Variants in DMRTB1 observed in about 807,000 individuals in gnomAD.
DMRTB1 encodes doublesex- and mab-3-related transcription factor B1.
DMRTB1 carries 9 observed loss-of-function variants against 25.2 expected under a neutral mutation model. The ratio of observed to expected loss-of-function variants is 0.36; its 90% CI spans 0.22 to 0.62. DMRTB1 has a LOEUF of 0.62. DMRTB1 is among the 20% of genes least tolerant of loss of function. The pLI is 0.71. For missense variants in DMRTB1, 551 were observed against 499.3 expected (o/e 1.10, Z -0.99); for synonymous variants, 269 against 238.1 (o/e 1.13, Z -1.20).
Position 53,461,592 on chromosome 1 carries a change from C to G in DMRTB1, c.697C>G (p.Leu233Val), listed in dbSNP as rs754155010. 19 of 1,610,662 alleles carry G rather than the reference C, an allele frequency of 1.2e-5. No individual in the cohort carries two copies. Among genetic ancestry groups the G allele is most frequent in the Middle Eastern group, 1.6e-4 (1 of 6,074 alleles). ...GYLDAPPGVP[L>V]QQGFRHVSRS... is the part of the protein sequence containing the mutation. The stretch of plus-strand genomic sequence containing the variant: ...CCTGGACGCCCCTCCTGGCGTCCCC[C>G]TGCAGCAGGGCTTCCGGCATGTGTC... Residue 233 changes from leucine to valine, a missense_variant, in exon 2 of 4, where the codon CTG becomes GTG. Coordinates refer to ENST00000371445, the MANE Select transcript of DMRTB1 (RefSeq NM_033067.3).
At chr1:53,461,767 G>T in intron 2 of DMRTB1, 122 bp downstream of exon 2, 1 of 1,228,768 alleles carries the variant, frequency 8.1e-7, no homozygotes, top group Non-Finnish European at 1.1e-6. Flanking sequence ...GCCAGCCCCC[G>T]AGTGCTGGTG....
chr1:53,462,672 G>T (rs1644028673), intron 2 of DMRTB1, among the ~76,000 whole-genome samples: 1 of 152,216 alleles, frequency 6.6e-6, no homozygotes, highest in East Asian at 1.9e-4. Context: ...TTTGGCCAGG[G>T]TCACAAAACT....
At chr1:53,460,082 C>A in intron 1 of DMRTB1, 52 bp downstream of exon 1, 1 of 1,496,986 alleles carries the variant, frequency 6.7e-7, no homozygotes, top group Non-Finnish European at 8.8e-7. Context: ...GCAGCCCAGG[C>A]CAGCCCGGAT....
Position 53,461,562 on chromosome 1 carries a change from G to A in DMRTB1, c.667G>A (p.Gly223Ser), listed in dbSNP as rs1319032732. Residue 223 changes from glycine to serine, a missense_variant, in exon 2 of 4, where the codon GGC becomes AGC. Transcript: ENST00000371445. ...GCACCCCTACTGCCCGTTCCCGCTG[G>A]GCTACCTGGACGCCCCTCCTGGCGT... ...SMHPYCPFPL[G>S]YLDAPPGVPL... 1.9e-6 allele frequency: 3 copies of A among 1,612,046 alleles called. No homozygotes were observed. The Admixed American group carries it at 5.0e-5, about 27-fold the overall frequency.
intron 2 of DMRTB1, among the ~76,000 whole-genome samples, chr1:53,464,185 G>A (rs979937035): frequency 7.2e-5 from 11 of 152,198 alleles, no homozygotes; most frequent in African/African-American, 9.7e-5. Flanking sequence ...GCAGAGCAGC[G>A]CTGGACAGAA....
At chr1:53,464,584 C>CCAA in intron 2 of DMRTB1, 53 bp from the exon 3 acceptor site, 1 of 1,611,398 alleles carries the variant, frequency 6.2e-7, no homozygotes, top group African/African-American at 1.3e-5. Context: ...TTTGGTCAGC[C>CCAA]CATCTGGCTA....
Position 53,464,155 on chromosome 1 carries a change from C to A in DMRTB1, c.751-482C>A, listed in dbSNP as rs368313236. 9.8e-5 allele frequency among the ~76,000 whole-genome samples: 15 copies of A among 152,296 alleles called. 1 individual carries two copies. The East Asian group carries it at 1.5e-3, about 16-fold the overall frequency. On this transcript the variant is annotated intron_variant, in intron 2 of 3. Coordinates refer to ENST00000371445, the MANE Select transcript of DMRTB1 (RefSeq NM_033067.3). ...CAGGGGGTCCTGTGGGGTTGGGATG[C>A]GTTCAGACCCTTCCCCAGTGCAGAG...
rs376520472 is a variant in DMRTB1, at chr1:53,459,594, G to C, written c.141G>C (p.Gln47His). ...AGTGCTACCTGATCTCCGAGCGCCA[G>C]AAGATCATGGCCGCGCAGAAGGTGC... ...CEKCYLISER[Q>H]KIMAAQKVLK... Residue 47 changes from glutamine (Q) to histidine (H), a missense_variant, in exon 1 of 4, where the codon CAG (glutamine) becomes CAC (histidine). By Grantham distance (24) the Gln-to-His change is conservative. Coordinates refer to ENST00000371445, the MANE Select transcript of DMRTB1 (RefSeq NM_033067.3). 1 of 1,597,974 alleles carries C rather than the reference G, an allele frequency of 6.3e-7. No homozygotes were observed. Among genetic ancestry groups the C allele is most frequent in the African/African-American group, 1.3e-5 (1 of 74,746 alleles).
rs2100635323 is a variant in DMRTB1, at chr1:53,459,682, G to A, written c.229G>A (p.Ala77Thr). 2.0e-6 allele frequency: 3 copies of A among 1,516,740 alleles called. No individual in the cohort carries two copies. Among genetic ancestry groups the A allele is most frequent in the Admixed American group, 2.2e-5 (1 of 45,734 alleles). The allele number at this position is 1,516,740 out of a possible 1,614,324, so 94.0% of individuals were successfully genotyped here. A position where few individuals can be genotyped will look rare whatever the true frequency, so the allele number is the denominator to read the frequency against. The change falls in exon 1 of 4, where the codon GCC becomes ACC. Residue 77 changes from alanine to threonine, a missense_variant. Ala to Thr is a moderately conservative substitution (Grantham distance 58). Coordinates refer to ENST00000371445, the MANE Select transcript of DMRTB1 (RefSeq NM_033067.3). ...AALCAQGPKQ[A>T]SGAAAAAPAP... is the part of the protein sequence containing the mutation. Reference sequence around the variant, plus strand: ...CCTGTGTGCGCAGGGGCCCAAGCAGGCCTCCGGGGCTGCGGCCGCCGCCCC... The same window carrying A: ...CCTGTGTGCGCAGGGGCCCAAGCAGACCTCCGGGGCTGCGGCCGCCGCCCC...
At position 53,461,497 on chromosome 1, in the gene DMRTB1, A is replaced by G; in HGVS notation, c.602A>G (p.Asp201Gly). ...GTGCGCCCTCTGAACATCAACCCGGACCGTGCACTGGGCCCTGAGTACCCT... is the reference window on the plus strand; with the variant it reads ...GTGCGCCCTCTGAACATCAACCCGGGCCGTGCACTGGGCCCTGAGTACCCT... Reference protein sequence around the residue: ...DFVRPLNINPDRALGPEYPGG... With the variant: ...DFVRPLNINPGRALGPEYPGG... The change falls in exon 2 of 4, where the codon GAC becomes GGC. Residue 201 changes from aspartate (D) to glycine (G), a missense_variant. Asp to Gly is a moderately conservative substitution (Grantham distance 94). Transcript: ENST00000371445. 1 of 1,605,546 alleles carries G rather than the reference A, an allele frequency of 6.2e-7. No individual in the cohort carries two copies.
At chr1:53,460,396 C>T (rs1300232029) in intron 1 of DMRTB1, 1 of 175,582 alleles carries the variant, frequency 5.7e-6, no homozygotes, top group East Asian at 1.7e-4. Context: ...TTTCCTTGGG[C>T]TGGAGGCTCC....
intron 3 of DMRTB1, 125 bp from the exon 4 acceptor site, chr1:53,466,470 G>C: frequency 1.1e-6 from 1 of 938,292 alleles, no homozygotes; most frequent in Non-Finnish European, 1.7e-6. Flanking sequence ...CAGCCTGGGT[G>C]ACAGAGCGAG....
intron 3 of DMRTB1, 125 bp downstream of exon 3, chr1:53,464,972 C>A: frequency 7.5e-7 from 1 of 1,337,084 alleles, no homozygotes; most frequent in Non-Finnish European, 1.1e-6. Context: ...GGTGTTGAGC[C>A]CTAGAATGAG....
At position 53,459,647 on chromosome 1, in the gene DMRTB1, A is replaced by G. The variant is rs1644006001; in HGVS notation, c.194A>G (p.Gln65Arg). Residue 65 changes from glutamine to arginine, a missense_variant, in exon 1 of 4, where the codon CAG (glutamine) becomes CGG (arginine). By Grantham distance (43) the Gln-to-Arg change is conservative (BLOSUM62 1). Transcript: ENST00000371445. ...AAGACGCAGGCCGCCGAGGAGGAGC[A>G]GGAGGCGGCCCTGTGTGCGCAGGGG... ...VLKTQAAEEE[Q>R]EAALCAQGPK... 1 of 1,553,722 alleles carries G rather than the reference A, an allele frequency of 6.4e-7. No individual in the cohort carries two copies. The highest frequency in any genetic ancestry group is 2.4e-5 in the East Asian group (1 of 41,316).
At chr1:53,461,744 G>T in intron 2 of DMRTB1, 99 bp downstream of exon 2, 1 of 1,389,792 alleles carries the variant, frequency 7.2e-7, no homozygotes, top group South Asian at 1.5e-5. Context: ...GTCATAAACT[G>T]TGCCCACGCC....
In DMRTB1 at chr1:53,461,662, ACTT is replaced by A; in HGVS notation, c.750+21_750+23del. On this transcript the variant is annotated intron_variant, in intron 2 of 3. Coordinates refer to ENST00000371445, the MANE Select transcript of DMRTB1 (RefSeq NM_033067.3). ...GGAGGCTTGGTGAGTCCCACCCCTC[ACTT>A]CTTGCCAGCTTCCTCCACCCAGTCT... 1 of 1,529,516 alleles carries A rather than the reference ACTT, an allele frequency of 6.5e-7. No individual in the cohort carries two copies. The allele number at this position is 1,529,516 out of a possible 1,614,324, so 94.7% of individuals were successfully genotyped here. A position where few individuals can be genotyped will look rare whatever the true frequency, so the allele number is the denominator to read the frequency against.
chr1:53,460,351 C>T, intron 1 of DMRTB1: 2 of 248,814 alleles, frequency 8.0e-6, no homozygotes, highest in Non-Finnish European at 1.5e-5. Context: ...TTCGAGGAGC[C>T]GAGTCCTACT....
chr1:53,462,118 A>T (rs1354431202), intron 2 of DMRTB1, among the ~76,000 whole-genome samples: 1 of 152,150 alleles, frequency 6.6e-6, no homozygotes, highest in Admixed American at 6.5e-5. Context: ...AAAATACGGA[A>T]ACCTTCCCCC....
At chr1:53,463,024 TG>T (rs1362709249) in intron 2 of DMRTB1, among the ~76,000 whole-genome samples, 2 of 152,244 alleles carry the variant, frequency 1.3e-5, no homozygotes, top group Admixed American at 6.5e-5. Flanking sequence ...GTTAAGAGTG[TG>T]ATCTCAGTCG....
Sources: gnomAD v4.1 joint callset for allele counts (sites outside exome capture counted in the v4.1 genomes callset) on GRCh38, gnomAD v4.1.1 for gene constraint, MANE v1.5 for transcripts, NCBI Gene and HGNC (gene_info 2026-07-23, HGNC 2026-07-21) for gene names.